Variants in KAZN observed in about 807,000 individuals in gnomAD.
KAZN encodes kazrin.
A neutral mutation model predicts 87.4 loss-of-function variants in KAZN; 40 were observed. The observed-to-expected ratio is 0.46, with a 90% CI of 0.36 to 0.60. KAZN has a LOEUF of 0.60. KAZN is among the 20% of genes least tolerant of loss of function. KAZN has a pLI of 0.00. For missense variants in KAZN, 898 were observed against 1,073.9 expected, an observed-to-expected ratio of 0.84 and a Z score of 2.29; for synonymous variants, 466 against 458.3, an observed-to-expected ratio of 1.02 and a Z score of -0.22.
chr1:13,928,990 G>C (rs1640394611), intron 1 of KAZN, among the ~76,000 whole-genome samples: 1 of 147,162 alleles, frequency 6.8e-6, no homozygotes, highest in Admixed American at 6.8e-5. Context: ...TTGTAAAATA[G>C]ATTTGAGAAG....
intron 2 of KAZN, among the ~76,000 whole-genome samples, chr1:14,391,873 C>T (rs1489155963): frequency 2.0e-5 from 3 of 152,028 alleles, no homozygotes; most frequent in African/African-American, 7.2e-5. Flanking sequence ...TGTTTTTATT[C>T]CTTTTTCACT....
chr1:14,408,780 G>A (rs997808975), intron 2 of KAZN, among the ~76,000 whole-genome samples: 3 of 152,162 alleles, frequency 2.0e-5, no homozygotes, highest in African/African-American at 7.2e-5. Flanking sequence ...CACCAGAGAA[G>A]GTCCCTGCAT....
chr1:14,401,543 C>T (rs1014377558), intron 2 of KAZN, among the ~76,000 whole-genome samples: 1 of 152,038 alleles, frequency 6.6e-6, no homozygotes, highest in Non-Finnish European at 1.5e-5. Flanking sequence ...AGGTCTGGCA[C>T]AGTGGCCCAT....
intron 2 of KAZN, among the ~76,000 whole-genome samples, chr1:14,550,588 C>A (rs1194077941): frequency 2.0e-5 from 3 of 151,988 alleles, no homozygotes; most frequent in African/African-American, 7.3e-5. Context: ...TTTACTCTTC[C>A]TGCTCAAAGG....
chr1:14,558,931 T>A lies in KAZN; in HGVS notation c.250-40052T>A, dbSNP rs193207715. 7.2e-5 allele frequency among the ~76,000 whole-genome samples: 11 copies of A among 152,308 alleles called. No homozygotes were observed. The East Asian group carries it at 1.7e-3, about 24-fold the overall frequency. On this transcript the variant is annotated intron_variant, in intron 2 of 16. Coordinates refer to the KAZN transcript ENST00000636203. ...AACCAGGAGTCTCTCTCTTCTTTCT[T>A]CATTTCACCTTTCTCATCTTTCCTC...
rs540649254 is a variant in KAZN at position 14,775,036 on chromosome 1, T to C, written c.226+175813T>C. On this transcript the variant is annotated intron_variant, in intron 1 of 14. Coordinates refer to ENST00000376030, the MANE Select transcript of KAZN (RefSeq NM_201628.3). ...AGGCAGATCCTGGAGAGAGCAGCTG[T>C]ATCCCACCATACCAGGGCCCACCCA... 2.6e-4 allele frequency among the ~76,000 whole-genome samples: 39 copies of C among 152,316 alleles called. No individual in the cohort carries two copies. In the South Asian group the frequency reaches 7.5e-3, roughly 29 times the overall value.
chr1:14,828,420 C>T (rs959799381), intron 1 of KAZN, among the ~76,000 whole-genome samples: 1 of 152,074 alleles, frequency 6.6e-6, no homozygotes, highest in Admixed American at 6.5e-5. Context: ...CAGCTATTAT[C>T]GATCAATTGG....
intron 1 of KAZN, among the ~76,000 whole-genome samples, chr1:14,167,226 A>C (rs1210944874): frequency 1.3e-5 from 2 of 152,166 alleles, no homozygotes; most frequent in African/African-American, 4.8e-5. Flanking sequence ...CTTGTTTGAA[A>C]ATGTGCATTT....
intron 8 of KAZN, among the ~76,000 whole-genome samples, chr1:15,080,812 T>A (rs963891495): frequency 1.3e-5 from 2 of 151,526 alleles, no homozygotes; most frequent in Admixed American, 6.6e-5. Flanking sequence ...GGCCCCGGGG[T>A]AGAAGGGAGT....
chr1:14,642,471 A>G (rs940901639), intron 1 of KAZN, among the ~76,000 whole-genome samples: 1 of 152,164 alleles, frequency 6.6e-6, no homozygotes, highest in African/African-American at 2.4e-5. Context: ...GCATGTGCTC[A>G]CTCATGTGTG....
At chr1:14,385,584 C>A (rs1043148067) in intron 2 of KAZN, among the ~76,000 whole-genome samples, 6 of 152,164 alleles carry the variant, frequency 3.9e-5, no homozygotes, top group Non-Finnish European at 7.3e-5. Context: ...AGTAGTCATT[C>A]AGGAGCAGGT....
At position 14,773,008 on chromosome 1, in the gene KAZN, T is replaced by C. The variant is rs1245706241; in HGVS notation, c.226+173785T>C. ...CATGGTTCCCCACCAGCCAAGAGAA[T>C]GGTATGAATGTCCACAGGCGGCCTC... On this transcript the variant is annotated intron_variant, in intron 1 of 14. Coordinates refer to ENST00000376030, the MANE Select transcript of KAZN (RefSeq NM_201628.3). The surrounding 1 kb of genome is among the most constrained non-coding windows in gnomAD (Gnocchi z 5.9). 6.6e-6 allele frequency among the ~76,000 whole-genome samples: 1 copy of C among 151,894 alleles called. No individual in the cohort carries two copies. Among genetic ancestry groups the C allele is most frequent in the Non-Finnish European group, 1.5e-5 (1 of 67,994 alleles).
chr1:14,560,728 T>C (rs1008358015), intron 2 of KAZN, among the ~76,000 whole-genome samples: 12 of 151,462 alleles, frequency 7.9e-5, no homozygotes, highest in Non-Finnish European at 1.2e-4. Context: ...AATGATGATG[T>C]GAAGAAGGAG....
chr1:13,936,677 T>G (rs1640755071), intron 1 of KAZN, among the ~76,000 whole-genome samples: 1 of 152,224 alleles, frequency 6.6e-6, no homozygotes, highest in Non-Finnish European at 1.5e-5. Context: ...ACTCCAGCTC[T>G]ATTCTTGTTG....
At chr1:14,865,035 A>G (rs967139194) in intron 1 of KAZN, among the ~76,000 whole-genome samples, 2 of 152,182 alleles carry the variant, frequency 1.3e-5, no homozygotes, top group Non-Finnish European at 2.9e-5. Context: ...CCCAGGTACC[A>G]TCTCCTCAAT....
chr1:14,548,301 C>T (rs752834831), intron 2 of KAZN, among the ~76,000 whole-genome samples: 5 of 150,774 alleles, frequency 3.3e-5, no homozygotes, highest in African/African-American at 4.9e-5. Context: ...TGGGTTCAGG[C>T]GATTCTCCTG....
rs147571733 is a variant in KAZN at position 14,673,165 on chromosome 1, C to T, written c.226+73942C>T. ...CTGGAGGTTACAGGGCAGCAAGAGA[C>T]GGAGGCCCTTCAAAGGATTGCCACT... On this transcript the variant is annotated intron_variant, in intron 1 of 14. Coordinates refer to ENST00000376030, the MANE Select transcript of KAZN (RefSeq NM_201628.3). 8.9e-4 allele frequency among the ~76,000 whole-genome samples: 135 copies of T among 152,296 alleles called. 1 individual carries two copies. Among genetic ancestry groups the T allele is most frequent in the Non-Finnish European group, 1.6e-3 (112 of 68,026 alleles).
chr1:14,659,731 A>G (rs980089043), intron 1 of KAZN, among the ~76,000 whole-genome samples: 3 of 152,142 alleles, frequency 2.0e-5, no homozygotes, highest in African/African-American at 7.2e-5. Flanking sequence ...CATGATCCCT[A>G]TTGGCCCTAC....
intron 1 of KAZN, among the ~76,000 whole-genome samples, chr1:14,843,349 G>C (rs1557546605): frequency 6.6e-6 from 1 of 152,220 alleles, no homozygotes. Flanking sequence ...TGAGGAGGTA[G>C]AGGAGGTAAC....
Sources: allele counts gnomAD v4.1 joint callset (sites outside exome capture counted in the v4.1 genomes callset), GRCh38; gene constraint gnomAD v4.1.1; non-coding constraint Gnocchi (gnomAD v3.1); transcripts MANE v1.5; gene names NCBI Gene and HGNC (gene_info 2026-07-23, HGNC 2026-07-21).